Variants in TGFA observed in about 807,000 individuals in gnomAD.
The protein encoded by TGFA is protransforming growth factor alpha.
In TGFA, 12 loss-of-function variants were observed where a neutral mutation model predicts 21.7. The ratio of observed to expected loss-of-function variants is 0.55; its 90% CI spans 0.35 to 0.90. The LOEUF (loss-of-function observed/expected upper bound fraction) is 0.90. Among genes scored for constraint, TGFA ranks in the 40% least tolerant of loss-of-function variants. The pLI, the probability that TGFA is intolerant of heterozygous loss-of-function variation, is 0.01. For missense variants in TGFA, 178 were observed against 210.8 expected, an observed-to-expected ratio of 0.84 and a Z score of 0.96; for synonymous variants, 79 against 88.1, an observed-to-expected ratio of 0.90 and a Z score of 0.58.
intron 1 of TGFA, among the ~76,000 whole-genome samples, chr2:70,529,598 C>CCCCCCCA (rs1553503486): frequency 1.3e-5 from 2 of 151,436 alleles, no homozygotes; most frequent in South Asian, 2.1e-4. Context: ...TCCCCCCGCC[C>CCCCCCCA]CAGTCCTAGA....
chr2:70,456,592 GC>G (rs1270933978), intron 3 of TGFA, 104 bp from the exon 4 acceptor site: 4 of 1,357,904 alleles, frequency 2.9e-6, no homozygotes, highest in Non-Finnish European at 3.0e-6. Context: ...TGCAGGTAAA[GC>G]CCAAAGGGGC....
intron 1 of TGFA, among the ~76,000 whole-genome samples, chr2:70,545,983 T>C (rs1553505838): frequency 6.6e-6 from 1 of 152,198 alleles, no homozygotes; most frequent in African/African-American, 2.4e-5. Flanking sequence ...CCAACAAATT[T>C]ACTGACTCTA....
intron 2 of TGFA, among the ~76,000 whole-genome samples, chr2:70,511,036 A>G (rs1278256038): frequency 6.6e-6 from 1 of 152,202 alleles, no homozygotes; most frequent in Non-Finnish European, 1.5e-5. Context: ...TGCTCTTTTG[A>G]GCCCATTTAA....
intron 2 of TGFA, among the ~76,000 whole-genome samples, chr2:70,465,946 T>A (rs1054617260): frequency 1.3e-5 from 2 of 152,208 alleles, no homozygotes; most frequent in Non-Finnish European, 2.9e-5. Context: ...GCTTTTTGTT[T>A]TTGTAGACAG....
At chr2:70,526,233 C>T (rs1672630682) in intron 1 of TGFA, among the ~76,000 whole-genome samples, 1 of 152,180 alleles carries the variant, frequency 6.6e-6, no homozygotes, top group Non-Finnish European at 1.5e-5. Context: ...TTTGTATTAA[C>T]CCAAAGCATT....
In TGFA at chr2:70,533,840, T is replaced by G. The variant is rs6707230; in HGVS notation, c.41-18928A>C. Reference sequence around the variant, plus strand: ...TCCTAAAGGAAGACCATAAGGTCCTTTAAATAAGAGACAGATGTTTAAAAT... The same window carrying G: ...TCCTAAAGGAAGACCATAAGGTCCTGTAAATAAGAGACAGATGTTTAAAAT... On this transcript the variant is annotated intron_variant, in intron 1 of 5. Transcript: ENST00000295400. 8.4e-3 allele frequency among the ~76,000 whole-genome samples: 1,272 copies of G among 152,192 alleles called. 17 individuals carry two copies. Among genetic ancestry groups the G allele is most frequent in the African/African-American group, 0.03 (1,227 of 41,498 alleles).
rs782621561 is a variant in TGFA at position 70,537,188 on chromosome 2, G to A, written c.40+16540C>T. 1.3e-4 allele frequency among the ~76,000 whole-genome samples: 20 copies of A among 151,978 alleles called. No homozygotes were observed. The East Asian group carries it at 1.4e-3, about 10-fold the overall frequency. On this transcript the variant is annotated intron_variant, in intron 1 of 5. Transcript: ENST00000295400. ...TTTCGGGGTGCCATGAACCACACCCGTAGAAGACAGCAAACTTAGCTGATC... is the reference window on the plus strand; with the variant it reads ...TTTCGGGGTGCCATGAACCACACCCATAGAAGACAGCAAACTTAGCTGATC...
intron 2 of TGFA, among the ~76,000 whole-genome samples, chr2:70,481,488 T>C (rs1444784852): frequency 2.0e-5 from 3 of 152,142 alleles, no homozygotes; most frequent in Admixed American, 6.5e-5. Context: ...CAGCAGTCCT[T>C]TCCCATTTCT....
chr2:70,553,098 T>C, intron 1 of TGFA: 2 of 1,419,772 alleles, frequency 1.4e-6, no homozygotes, highest in Non-Finnish European at 1.9e-6. Flanking sequence ...AGGGTTTCGC[T>C]CCTGCCCTCG....
intron 4 of TGFA, among the ~76,000 whole-genome samples, chr2:70,453,775 C>T (rs1553490039): frequency 6.6e-6 from 1 of 152,112 alleles, no homozygotes; most frequent in Admixed American, 6.5e-5. Context: ...CTGGTATTGC[C>T]AGTAGCAGAA....
At chr2:70,455,404 C>G (rs143449333) in intron 4 of TGFA, among the ~76,000 whole-genome samples, 2 of 152,174 alleles carry the variant, frequency 1.3e-5, no homozygotes, top group Non-Finnish European at 1.5e-5. Flanking sequence ...CTTCTTGCAT[C>G]GACATGTAGC....
intron 2 of TGFA, among the ~76,000 whole-genome samples, chr2:70,472,799 C>G (rs1670798022): frequency 6.6e-6 from 1 of 152,240 alleles, no homozygotes; most frequent in South Asian, 2.1e-4. Flanking sequence ...ACACGTTTGC[C>G]CATTGCAGAG....
chr2:70,501,321 T>C (rs923224255), intron 2 of TGFA, among the ~76,000 whole-genome samples: 39 of 151,724 alleles, frequency 2.6e-4, no homozygotes, highest in African/African-American at 9.2e-4. Context: ...ACAGCCTGCA[T>C]CCTTCCTAAC....
At chr2:70,530,718 A>G (rs373346631) in intron 1 of TGFA, among the ~76,000 whole-genome samples, 1 of 152,214 alleles carries the variant, frequency 6.6e-6, no homozygotes, top group Non-Finnish European at 1.5e-5. Context: ...GGAAGCTCAC[A>G]CAGTGTCTCA....
At chr2:70,463,059 G>C (rs376200393) in intron 3 of TGFA, among the ~76,000 whole-genome samples, 22 of 152,118 alleles carry the variant, frequency 1.4e-4, no homozygotes, top group African/African-American at 5.3e-4. Flanking sequence ...CTGGGCAGCA[G>C]CTGGGAGCAT....
chr2:70,507,191 TCACTGGA>T lies in TGFA; in HGVS notation c.94+7661_94+7667del, dbSNP rs1671952787. On this transcript the variant is annotated intron_variant, in intron 2 of 5. Transcript: ENST00000295400. ...AGCCTCGGAGCCTCGGCAGGTGCAG[TCACTGGA>T]CTGCAAGGCCGAGGCAGCCTGCACT... Among the ~76,000 whole-genome samples, 5 of 152,202 alleles carry T rather than the reference TCACTGGA, an allele frequency of 3.3e-5. No individual in the cohort carries two copies. In the South Asian group the frequency reaches 1.0e-3, roughly 32 times the overall value.
chr2:70,530,829 C>T (rs548771117), intron 1 of TGFA, among the ~76,000 whole-genome samples: 370 of 152,340 alleles, frequency 2.4e-3, no homozygotes, highest in Non-Finnish European at 4.0e-3. Flanking sequence ...CAAACAGGCT[C>T]GGTGCTGGCC....
chr2:70,549,257 GGCCTTAAAGT>G (rs1165823515), intron 1 of TGFA, among the ~76,000 whole-genome samples: 5 of 152,206 alleles, frequency 3.3e-5, no homozygotes, highest in Middle Eastern at 3.2e-3. Flanking sequence ...CGGCATGACA[GGCCTTAAAGT>G]GCCTTTAATA....
chr2:70,520,957 G>A (rs1672432216), intron 1 of TGFA, among the ~76,000 whole-genome samples: 2 of 151,878 alleles, frequency 1.3e-5, no homozygotes, highest in South Asian at 4.2e-4. Flanking sequence ...TCCAAGCCAA[G>A]CCCTCCTACA....
Sources: allele counts gnomAD v4.1 joint callset (sites outside exome capture counted in the v4.1 genomes callset), GRCh38; gene constraint gnomAD v4.1.1; transcripts MANE v1.5; gene names NCBI Gene and HGNC (gene_info 2026-07-23, HGNC 2026-07-21).